Variants in FRMPD4 observed in about 807,000 individuals in gnomAD.
The protein encoded by FRMPD4 is FERM and PDZ domain containing 4.
FRMPD4 carries 22 observed loss-of-function variants against 94.1 expected under a neutral mutation model. The observed-to-expected ratio is 0.23, with a 90% CI of 0.17 to 0.33. The LOEUF is 0.33. Ranked by LOEUF, FRMPD4 falls within the 10% of genes least tolerant of loss-of-function variation. The pLI is 1.00. For missense variants in FRMPD4, 1,111 were observed against 1,339.9 expected (o/e 0.83, Z 2.67); for synonymous variants, 631 against 548.6 (o/e 1.15, Z -2.10).
At chrX:12,262,589 T>A (rs1364986701) in intron 1 of FRMPD4, among the ~76,000 whole-genome samples, 1 of 112,400 alleles carries the variant, frequency 8.9e-6, no homozygotes, top group East Asian at 2.8e-4. Flanking sequence ...AATATGTGAA[T>A]AACATGTAGA....
intron 3 of FRMPD4, among the ~76,000 whole-genome samples, chrX:11,888,042 G>A (rs778119393): frequency 1.8e-5 from 2 of 112,368 alleles, no homozygotes; most frequent in East Asian, 2.8e-4. Context: ...TATAAAACAA[G>A]TGTTAATTTT....
intron 4 of FRMPD4, among the ~76,000 whole-genome samples, chrX:12,643,241 G>A (rs1344550271): frequency 3.7e-5 from 4 of 109,251 alleles, no homozygotes; most frequent in South Asian, 8.1e-4. Context: ...GGGTTCCAGC[G>A]ATCCTCCTGC....
intron 1 of FRMPD4, among the ~76,000 whole-genome samples, chrX:12,139,578 C>T (rs2147566413): frequency 9.2e-6 from 1 of 108,661 alleles, no homozygotes; most frequent in South Asian, 4.1e-4. Context: ...TATTCTTAAG[C>T]CTCGAAAGAT....
At chrX:12,326,884 C>T (rs2055297600) in intron 1 of FRMPD4, among the ~76,000 whole-genome samples, 1 of 110,918 alleles carries the variant, frequency 9.0e-6, no homozygotes, top group Non-Finnish European at 1.9e-5. Flanking sequence ...ATCCCTTGAG[C>T]CCAGGAGTTT....
intron 1 of FRMPD4, among the ~76,000 whole-genome samples, chrX:12,163,457 C>T (rs2056058991): frequency 2.8e-5 from 2 of 72,440 alleles, no homozygotes; most frequent in Admixed American, 1.9e-4. Context: ...TCCAATGACC[C>T]TTTGTAAAAA....
chrX:12,712,196 A>G (rs1261808978), intron 14 of FRMPD4, among the ~76,000 whole-genome samples: 1 of 100,499 alleles, frequency 1.0e-5, no homozygotes, highest in Non-Finnish European at 2.0e-5. Flanking sequence ...GATGCTCAGC[A>G]TTTCTATTAA....
At chrX:11,850,936 G>T (rs1453044726) in intron 1 of FRMPD4, among the ~76,000 whole-genome samples, 1 of 112,100 alleles carries the variant, frequency 8.9e-6, no homozygotes, top group Non-Finnish European at 1.9e-5. Context: ...CTTACACATG[G>T]TTAAGATGGT....
At chrX:11,925,009 A>G (rs776651712) in intron 3 of FRMPD4, among the ~76,000 whole-genome samples, 23 of 111,488 alleles carry the variant, frequency 2.1e-4, no homozygotes, top group African/African-American at 7.5e-4. Context: ...CAAGAGACCC[A>G]TCTCACATGC....
At chrX:12,223,299 A>G (rs1361203319) in intron 1 of FRMPD4, among the ~76,000 whole-genome samples, 1 of 112,306 alleles carries the variant, frequency 8.9e-6, no homozygotes, top group Non-Finnish European at 1.9e-5. Context: ...TGTCATTTGC[A>G]GCAACATGGG....
At chrX:12,512,576 T>G (rs1289305536) in intron 2 of FRMPD4, among the ~76,000 whole-genome samples, 1 of 112,944 alleles carries the variant, frequency 8.9e-6, no homozygotes, top group Non-Finnish European at 1.9e-5. Context: ...GGCTGCATAG[T>G]ATTCTGTGGT....
chrX:12,273,194 G>C lies in FRMPD4; in HGVS notation c.41+134182G>C, dbSNP rs746305334. Among the ~76,000 whole-genome samples the C allele has an allele frequency of 7.1e-5, 8 of 112,297 alleles. No homozygotes were observed. The East Asian group carries it at 2.2e-3, about 31-fold the overall frequency. On this transcript the variant is annotated intron_variant, in intron 1 of 16. Coordinates refer to ENST00000675598, the MANE Select transcript of FRMPD4 (RefSeq NM_001368397.1). ...ATTCTAGACAAAGAGGACTTTATAG[G>C]ATAGTAAGTACTTTTTGGTTTGTTT...
At chrX:12,426,728 T>A (rs138003658) in intron 1 of FRMPD4, among the ~76,000 whole-genome samples, 1 of 111,499 alleles carries the variant, frequency 9.0e-6, no homozygotes, top group Non-Finnish European at 1.9e-5. Context: ...TGCTTGCTCA[T>A]GAAGAACACT....
rs199664061 is a variant in FRMPD4, at chrX:11,964,157, TTG to T, written c.95+86141_95+86142del. Among the ~76,000 whole-genome samples, 325 of 97,798 alleles carry T rather than the reference TTG, an allele frequency of 3.3e-3. 1 individual carries two copies. Among genetic ancestry groups the T allele is most frequent in the African/African-American group, 0.012 (313 of 26,562 alleles). 84.9% of individuals were successfully genotyped at this position (97,798 alleles called of 115,157 possible). On this transcript the variant is annotated intron_variant, in intron 3 of 18. Transcript: ENST00000640291. ...GGATTGGGATTCAGTGCTTTTTTTG[TTG>T]TTGTTGTTGTTGTTGTTTGAGACAG...
chrX:12,677,402 A>G (rs1241200062), intron 5 of FRMPD4, among the ~76,000 whole-genome samples: 1 of 110,707 alleles, frequency 9.0e-6, no homozygotes, highest in Non-Finnish European at 1.9e-5. Context: ...AGGAGAGCAG[A>G]TGGGAAAAAA....
intron 1 of FRMPD4, 69 bp downstream of exon 1, chrX:12,139,081 G>A: frequency 1.1e-6 from 1 of 926,986 alleles, no homozygotes; most frequent in Non-Finnish European, 1.4e-6. Context: ...CTTATTTTTC[G>A]GGAGGCTGGG....
intron 1 of FRMPD4, among the ~76,000 whole-genome samples, chrX:12,310,118 AAG>A (rs1254544594): frequency 1.8e-5 from 2 of 111,139 alleles, no homozygotes; most frequent in African/African-American, 6.6e-5. Flanking sequence ...TGAGTCTGAA[AAG>A]AGAGTCAGCG....
chrX:12,402,255 C>T (rs750268064), intron 1 of FRMPD4, among the ~76,000 whole-genome samples: 1 of 111,161 alleles, frequency 9.0e-6, no homozygotes, highest in Non-Finnish European at 1.9e-5. Flanking sequence ...CGCCACCCCC[C>T]CCACAAAAGC....
In FRMPD4 at chrX:12,720,996, C is replaced by T; in HGVS notation, c.4427C>T (p.Ala1476Val). Reference sequence around the variant, plus strand: ...AGGTTTCACAAAAGGTCCCCAGTGGCTCATAAAGACTCAAAGCTGTATAGG... The same window carrying T: ...AGGTTTCACAAAAGGTCCCCAGTGGTTCATAAAGACTCAAAGCTGTATAGG... ...EGRFHKRSPV[A>V]HKDSKLYRTL... Residue 1476 changes from alanine to valine, a missense_variant, in exon 17 of 17, where the codon GCT becomes GTT. Ala to Val is a moderately conservative substitution (Grantham distance 64). Coordinates refer to ENST00000675598, the MANE Select transcript of FRMPD4 (RefSeq NM_001368397.1). The T allele has an allele frequency of 2.6e-6, 2 of 771,449 alleles. No homozygotes were observed. Among genetic ancestry groups the T allele is most frequent in the Non-Finnish European group, 3.1e-6 (2 of 648,588 alleles). The allele number at this position is 771,449 out of a possible 1,213,427, so 63.6% of individuals were successfully genotyped here. A position where few individuals can be genotyped will look rare whatever the true frequency, so the allele number is the denominator to read the frequency against.
chrX:11,955,483 A>ATGT (rs773704508), intron 3 of FRMPD4, among the ~76,000 whole-genome samples: 1 of 107,929 alleles, frequency 9.3e-6, no homozygotes, highest in African/African-American at 3.5e-5. Context: ...TAAATAAATA[A>ATGT]ATGTATGTAT....
Sources: allele counts gnomAD v4.1 joint callset (sites outside exome capture counted in the v4.1 genomes callset), GRCh38; gene constraint gnomAD v4.1.1; transcripts MANE v1.5; gene names NCBI Gene and HGNC (gene_info 2026-07-23, HGNC 2026-07-21).